Variants in CRYZL1 observed in about 807,000 individuals in gnomAD.
The protein encoded by CRYZL1 is ferry endosomal RAB5 effector complex subunit 4.
A neutral mutation model predicts 50.6 loss-of-function variants in CRYZL1; 34 were observed. That is an observed-to-expected ratio of 0.67 (90% CI 0.51 to 0.89). The LOEUF is 0.89. Ranked by LOEUF, CRYZL1 falls within the 40% of genes least tolerant of loss-of-function variation. The pLI is 0.00. For synonymous variants in CRYZL1, 125 were observed against 134.3 expected (o/e 0.93, Z 0.48); for missense variants, 354 against 402.3 (o/e 0.88, Z 1.03).
rs764757517 is a variant in CRYZL1 at position 33,613,580 on chromosome 21, G to A, written c.289C>T (p.Pro97Ser). ...VGILPLDSED[P>S]GLCEVVRVHE... Reference sequence around the variant, plus strand: ...ACTCTAACAACTTCACAAAGTCCAGGGTCTTCAGAGTCCAGGGGCAAAATT... The same window carrying A: ...ACTCTAACAACTTCACAAAGTCCAGAGTCTTCAGAGTCCAGGGGCAAAATT... Residue 97 changes from proline (P) to serine (S), a missense_variant, in exon 6 of 13, where the codon CCT becomes TCT. By Grantham distance (74) the Pro-to-Ser change is moderately conservative. Transcript: ENST00000381554. 6 of 1,613,204 alleles carry A rather than the reference G, an allele frequency of 3.7e-6. No individual in the cohort carries two copies. The highest frequency in any genetic ancestry group is 4.2e-6 in the Non-Finnish European group (5 of 1,179,324).
chr21:33,608,622 G>GT (rs1017225219), intron 6 of CRYZL1, among the ~76,000 whole-genome samples: 74 of 152,274 alleles, frequency 4.9e-4, no homozygotes, highest in African/African-American at 1.8e-3. Flanking sequence ...AGAACATGCT[G>GT]TATCTGCCTT....
intron 8 of CRYZL1, among the ~76,000 whole-genome samples, chr21:33,600,932 A>T (rs35357965): frequency 1 from 122,634 of 122,778 alleles, 61,248 homozygotes; most frequent in Middle Eastern, 1. Context: ...CGGTCCATAA[A>T]GTTTTTTTTT....
chr21:33,594,595 C>T (rs1489958586), intron 11 of CRYZL1: 3 of 150,702 alleles, frequency 2.0e-5, no homozygotes, highest in Non-Finnish European at 3.0e-5. Flanking sequence ...GTTTTGAAAT[C>T]TACTCCTTAA....
intron 3 of CRYZL1, among the ~76,000 whole-genome samples, chr21:33,623,774 A>C (rs890610715): frequency 4.1e-4 from 62 of 152,286 alleles, no homozygotes; most frequent in African/African-American, 1.4e-3. Context: ...CAAAACAAAC[A>C]AAAAAACGGA....
chr21:33,633,771 A>G (rs1184795326), intron 1 of CRYZL1: 1 of 152,238 alleles, frequency 6.6e-6, no homozygotes, highest in Non-Finnish European at 1.5e-5. Context: ...TGGCTACATA[A>G]TTTGCAGAGC....
chr21:33,629,800 G>C (rs1344282090), intron 2 of CRYZL1, among the ~76,000 whole-genome samples: 1 of 152,130 alleles, frequency 6.6e-6, no homozygotes, highest in African/African-American at 2.4e-5. Flanking sequence ...GGGCATCCTT[G>C]CCTTGTTCCA....
intron 10 of CRYZL1, among the ~76,000 whole-genome samples, chr21:33,596,670 A>AAAGG (rs1258768902): frequency 6.6e-6 from 1 of 151,832 alleles, no homozygotes; most frequent in Non-Finnish European, 1.5e-5. Context: ...ATAAAATAAA[A>AAAGG]TAAATTCGTA....
chr21:33,641,085 CT>C, intron 1 of CRYZL1: 1 of 1,527,258 alleles, frequency 6.5e-7, no homozygotes. Context: ...CAGGTAAAAC[CT>C]TTCTACTCAT....
At chr21:33,617,775 G>A (rs1447431886) in intron 4 of CRYZL1, among the ~76,000 whole-genome samples, 1 of 152,146 alleles carries the variant, frequency 6.6e-6, no homozygotes, top group Non-Finnish European at 1.5e-5. Context: ...TAACACAACC[G>A]GTTAGGACAG....
At chr21:33,626,889 C>G (rs1192139918) in intron 2 of CRYZL1, among the ~76,000 whole-genome samples, 2 of 152,136 alleles carry the variant, frequency 1.3e-5, no homozygotes, top group African/African-American at 4.8e-5. Context: ...CCAAGAATAG[C>G]CACTTACATA....
At chr21:33,613,735 G>A in intron 5 of CRYZL1, 129 bp from the exon 6 acceptor site, 2 of 663,694 alleles carry the variant, frequency 3.0e-6, no homozygotes, top group East Asian at 2.7e-5. Flanking sequence ...GTGTGGACAA[G>A]AAAAAATTCA....
chr21:33,605,491 T>C (rs2086800614), intron 6 of CRYZL1, among the ~76,000 whole-genome samples: 1 of 149,688 alleles, frequency 6.7e-6, no homozygotes, highest in Non-Finnish European at 1.5e-5. Flanking sequence ...TTTGTATTTA[T>C]GTTGTACACT....
chr21:33,627,090 CCT>C (rs1241187907), intron 2 of CRYZL1, among the ~76,000 whole-genome samples: 2 of 152,160 alleles, frequency 1.3e-5, no homozygotes, highest in South Asian at 2.1e-4. Flanking sequence ...CCAATCAACC[CCT>C]GACCCTCATC....
chr21:33,616,756 G>C lies in CRYZL1; in HGVS notation c.218-6C>G. ...GAATGATACCTTGCTTCCAACTAAA[G>C]AGTGAAGAAAATTAATAGTTAATAT... On this transcript the variant is annotated splice_region_variant and splice_polypyrimidine_tract_variant and intron_variant, in intron 4 of 12. Transcript: ENST00000381554. 2 of 1,596,536 alleles carry C rather than the reference G, an allele frequency of 1.3e-6. No individual in the cohort carries two copies. Among genetic ancestry groups the C allele is most frequent in the Non-Finnish European group, 1.7e-6 (2 of 1,170,644 alleles).
At position 33,624,805 on chromosome 21, in the gene CRYZL1, C is replaced by T. The variant is rs201761848; in HGVS notation, c.67-45G>A. On this transcript the variant is annotated intron_variant, in intron 2 of 12. Coordinates refer to ENST00000381554, the MANE Select transcript of CRYZL1 (RefSeq NM_145858.3). ...AAACAATATGTTATTTTACACATTC[C>T]TATGAGAATATGTCTTTATGCTGTG... 6.3e-4 allele frequency: 990 copies of T among 1,571,320 alleles called. 1 individual carries two copies. Among genetic ancestry groups the T allele is most frequent in the Admixed American group, 1.3e-3 (62 of 46,634 alleles).
At chr21:33,616,562 G>A in intron 5 of CRYZL1, 144 bp downstream of exon 5, 1 of 1,517,868 alleles carries the variant, frequency 6.6e-7, no homozygotes, top group South Asian at 1.2e-5. Flanking sequence ...AACGTGCTGG[G>A]ATTACAGACG....
chr21:33,635,216 T>C (rs2087190369), intron 1 of CRYZL1, among the ~76,000 whole-genome samples: 1 of 152,120 alleles, frequency 6.6e-6, no homozygotes, highest in South Asian at 2.1e-4. Context: ...TAAAACAGTC[T>C]ATTACGTAAC....
intron 6 of CRYZL1, among the ~76,000 whole-genome samples, chr21:33,608,451 A>G (rs1423799636): frequency 6.6e-6 from 1 of 152,146 alleles, no homozygotes; most frequent in Non-Finnish European, 1.5e-5. Context: ...GCAAAACTCC[A>G]TCTCATGAAT....
chr21:33,631,836 A>G (rs992753407), intron 1 of CRYZL1, among the ~76,000 whole-genome samples: 1 of 152,214 alleles, frequency 6.6e-6, no homozygotes, highest in African/African-American at 2.4e-5. Flanking sequence ...AAGATTACTT[A>G]AAAGAAGCCT....
Sources: gnomAD v4.1 joint callset for allele counts (sites outside exome capture counted in the v4.1 genomes callset) on GRCh38, gnomAD v4.1.1 for gene constraint, MANE v1.5 for transcripts, NCBI Gene and HGNC (gene_info 2026-07-23, HGNC 2026-07-21) for gene names.